TMEM114: variants seen among roughly 807,000 people sequenced by gnomAD.
The protein encoded by TMEM114 is transmembrane protein 114, also known as claudin-26.
Under a neutral mutation model 6.2 loss-of-function variants are expected in TMEM114, and 6 were observed. The observed-to-expected ratio is 0.97, with a 90% confidence interval of 0.53 to 1.91. The LOEUF is 1.91. Among genes scored for constraint, TMEM114 ranks in the 40% most tolerant of loss-of-function variants. The probability of loss-of-function intolerance (pLI) is 0.01; values close to 1 mark genes in which losing one functional copy is unlikely to be tolerated. For missense variants in TMEM114, 218 were observed against 158.3 expected (o/e 1.38, Z -2.02); for synonymous variants, 104 against 73.0 (o/e 1.42, Z -2.16).
At chr16:8,529,897 G>C in the TMEM114 span, among the ~76,000 whole-genome samples, 3 of 152,070 alleles carry the variant, frequency 2.0e-5, no homozygotes, top group Admixed American at 2.0e-4. Context: ...TAGGCTCTTG[G>C]ATTTCTATGA....
intron 2 of TMEM114, among the ~76,000 whole-genome samples, chr16:8,541,528 T>A (rs759501149): frequency 1.3e-5 from 2 of 152,160 alleles, no homozygotes; most frequent in Non-Finnish European, 2.9e-5. Flanking sequence ...AACCAGGAGA[T>A]CATTTTCTTG....
At chr16:8,533,057 A>G (rs190728158), downstream of TMEM114, among the ~76,000 whole-genome samples, 715 of 152,344 alleles carry the variant, frequency 4.7e-3, 5 homozygotes, top group African/African-American at 0.016. Flanking sequence ...AGTCCCTACC[A>G]TAAAGGTAGG....
intron 2 of TMEM114, among the ~76,000 whole-genome samples, chr16:8,542,219 CAG>C (rs1900537437): frequency 2.0e-5 from 3 of 152,152 alleles, no homozygotes; most frequent in South Asian, 2.1e-4. Context: ...TCTCCTGCTT[CAG>C]ACTCTGTTCC....
At chr16:8,576,453 G>A (rs1020752926) in intron 2 of TMEM114, among the ~76,000 whole-genome samples, 3 of 152,184 alleles carry the variant, frequency 2.0e-5, no homozygotes, top group Admixed American at 1.3e-4. Context: ...AACTGCAGGG[G>A]TGTCCCCACT....
intron 2 of TMEM114, among the ~76,000 whole-genome samples, chr16:8,564,271 A>C (rs766814226): frequency 5.0e-5 from 4 of 79,564 alleles, no homozygotes; most frequent in South Asian, 4.8e-4. Flanking sequence ...GTGATGAAAT[A>C]AGTGAATGAG....
chr16:8,575,054 G>A (rs1831911848), intron 2 of TMEM114, among the ~76,000 whole-genome samples: 1 of 152,184 alleles, frequency 6.6e-6, no homozygotes, highest in African/African-American at 2.4e-5. Flanking sequence ...CCTTTGGAAT[G>A]TGGATATGAT....
At chr16:8,535,844 C>T (rs1251718982), downstream of TMEM114, among the ~76,000 whole-genome samples, 2 of 152,184 alleles carry the variant, frequency 1.3e-5, no homozygotes, top group Non-Finnish European at 2.9e-5. Context: ...TCACAATACC[C>T]ATGTTTTAGC....
At chr16:8,552,833 C>G (rs924035101) in intron 2 of TMEM114, among the ~76,000 whole-genome samples, 6 of 152,224 alleles carry the variant, frequency 3.9e-5, no homozygotes, top group African/African-American at 1.2e-4. Context: ...CCCTCCCCTC[C>G]CCTCCCAGCA....
intron 2 of TMEM114, among the ~76,000 whole-genome samples, chr16:8,550,199 C>T (rs1201797904): frequency 6.6e-6 from 1 of 152,168 alleles, no homozygotes; most frequent in East Asian, 1.9e-4. Context: ...TGGTGTTTAC[C>T]CACGTTGTGG....
Position 8,559,817 on chromosome 16 carries a change from T to C in TMEM114, n.213-21991A>G, listed in dbSNP as rs1901140771. Among the ~76,000 whole-genome samples, 3 of 152,134 alleles carry C rather than the reference T, an allele frequency of 2.0e-5. 1 individual carries two copies. Among genetic ancestry groups the C allele is most frequent in the Admixed American group, 2.0e-4 (3 of 15,264 alleles). Reference sequence around the variant, plus strand: ...TGTGTGCGTGAAGCCCAGGTTTCCATGACAGAAGCTGCAGCACCAGGACAA... The same window carrying C: ...TGTGTGCGTGAAGCCCAGGTTTCCACGACAGAAGCTGCAGCACCAGGACAA... On this transcript the variant is annotated intron_variant and non_coding_transcript_variant, in intron 2 of 2. Coordinates refer to the TMEM114 transcript ENST00000623677.
intron 2 of TMEM114, among the ~76,000 whole-genome samples, chr16:8,560,802 G>C (rs1327828066): frequency 2.6e-5 from 4 of 152,142 alleles, no homozygotes; most frequent in Admixed American, 6.5e-5. Flanking sequence ...ACCAAAGTCA[G>C]CATTGGGGAC....
intron 2 of TMEM114, among the ~76,000 whole-genome samples, chr16:8,557,688 A>C (rs1901060141): frequency 6.6e-6 from 1 of 152,196 alleles, no homozygotes; most frequent in African/African-American, 2.4e-5. Context: ...GCATGAACTC[A>C]GGTAATTATT....
At chr16:8,557,566 C>CTGTATGTAATAATAA (rs1567199945) in intron 2 of TMEM114, among the ~76,000 whole-genome samples, 2 of 152,182 alleles carry the variant, frequency 1.3e-5, no homozygotes, top group Admixed American at 6.5e-5. Flanking sequence ...TAGTTTTGGC[C>CTGTATGTAATAATAA]ACTACATCTT....
chr16:8,576,218 G>T (rs1406735859), intron 2 of TMEM114, among the ~76,000 whole-genome samples: 1 of 152,160 alleles, frequency 6.6e-6, no homozygotes, highest in Non-Finnish European at 1.5e-5. Flanking sequence ...ATCACAGCCA[G>T]TCTGCCTCCC....
At chr16:8,529,952 C>T in the TMEM114 span, among the ~76,000 whole-genome samples, 1 of 152,160 alleles carries the variant, frequency 6.6e-6, no homozygotes, top group Non-Finnish European at 1.5e-5. Context: ...TGATGGAATG[C>T]ACATCACTTC....
downstream of TMEM114, among the ~76,000 whole-genome samples, chr16:8,567,642 A>C (rs1350370140): frequency 6.6e-6 from 1 of 152,124 alleles, no homozygotes; most frequent in Non-Finnish European, 1.5e-5. Context: ...AGAACAACCA[A>C]AACTGTCTCC....
chr16:8,539,216 C>A (rs991686507), intron 2 of TMEM114, among the ~76,000 whole-genome samples: 1 of 152,058 alleles, frequency 6.6e-6, no homozygotes, highest in Admixed American at 6.6e-5. Flanking sequence ...GATCCCTGGG[C>A]CAACTGCCCT....
intron 2 of TMEM114, among the ~76,000 whole-genome samples, chr16:8,584,530 G>A (rs1902253746): frequency 1.3e-5 from 2 of 152,164 alleles, no homozygotes; most frequent in South Asian, 4.1e-4. Context: ...TTATTGGGAT[G>A]TACCTGTTTA....
chr16:8,548,535 A>G (rs138292306), intron 2 of TMEM114, among the ~76,000 whole-genome samples: 329 of 152,276 alleles, frequency 2.2e-3, no homozygotes, highest in African/African-American at 7.3e-3. Context: ...TGCACTGTGT[A>G]TCTGTTTCTG....
Sources: gnomAD v4.1 joint callset for allele counts (sites outside exome capture counted in the v4.1 genomes callset) on GRCh38, gnomAD v4.1.1 for gene constraint, MANE v1.5 for transcripts, NCBI Gene and HGNC (gene_info 2026-07-23, HGNC 2026-07-21) for gene names.